EPM2A: variants seen among roughly 807,000 people sequenced by gnomAD.
The protein encoded by EPM2A is EPM2A glucan phosphatase, laforin.
A neutral mutation model predicts 26.5 loss-of-function variants in EPM2A; 21 were observed. That is an observed-to-expected ratio of 0.79 (90% CI 0.56 to 1.14). EPM2A has a LOEUF of 1.14. Among genes scored for constraint, EPM2A ranks in the 50% most tolerant of loss-of-function variants. EPM2A has a pLI of 0.00. For synonymous variants in EPM2A, 217 were observed against 177.6 expected, an observed-to-expected ratio of 1.22 and a Z score of -1.76; for missense variants, 458 against 440.8, an observed-to-expected ratio of 1.04 and a Z score of -0.35.
chr6:145,705,841 G>A, intron 1 of EPM2A: 1 of 456,324 alleles, frequency 2.2e-6, no homozygotes, highest in South Asian at 1.5e-5. Context: ...CTTCCCCTGG[G>A]GAGAGGACAT....
At chr6:145,512,604 TA>T (rs1419326459) in intron 2 of EPM2A, among the ~76,000 whole-genome samples, 3 of 146,350 alleles carry the variant, frequency 2.0e-5, no homozygotes, top group Non-Finnish European at 4.5e-5. Flanking sequence ...CCTAGCTACT[TA>T]GGAGACTGAG....
At chr6:145,582,977 C>G (rs983670294) in intron 2 of EPM2A, among the ~76,000 whole-genome samples, 4 of 152,152 alleles carry the variant, frequency 2.6e-5, no homozygotes, top group African/African-American at 9.7e-5. Flanking sequence ...TTACAACATT[C>G]TTACAGTGTG....
chr6:145,410,188 G>A (rs997695778), intron 4 of EPM2A, among the ~76,000 whole-genome samples: 8 of 152,152 alleles, frequency 5.3e-5, no homozygotes, highest in African/African-American at 1.4e-4. Context: ...AATGTTGCTC[G>A]AAATTGTAGA....
intron 4 of EPM2A, among the ~76,000 whole-genome samples, chr6:145,411,788 A>G (rs1354699315): frequency 6.6e-6 from 1 of 152,208 alleles, no homozygotes; most frequent in Non-Finnish European, 1.5e-5. Flanking sequence ...CTATTCAGTT[A>G]GTATGGAGTA....
At chr6:145,624,488 A>G (rs190136422), downstream of EPM2A, among the ~76,000 whole-genome samples, 1 of 152,304 alleles carries the variant, frequency 6.6e-6, no homozygotes, top group East Asian at 1.9e-4. Flanking sequence ...TGACATCTCA[A>G]TATCACAATA....
intron 1 of EPM2A, among the ~76,000 whole-genome samples, chr6:145,718,541 T>C (rs1775770275): frequency 6.6e-6 from 1 of 152,136 alleles, no homozygotes; most frequent in Admixed American, 6.5e-5. Flanking sequence ...GGCATTACCA[T>C]TCAGGACATA....
rs73006430 is a variant in EPM2A, at chr6:145,642,138, C to A, written c.477-6652G>T. Among the ~76,000 whole-genome samples, 1,002 of 152,184 alleles carry A rather than the reference C, an allele frequency of 6.6e-3. 5 individuals are homozygous for A. Among genetic ancestry groups the A allele is most frequent in the Non-Finnish European group, 0.01 (707 of 67,998 alleles). The stretch of plus-strand genomic sequence containing the variant: ...TGCTTCCTTAAAGTCAATCATGAGG[C>A]AGCACAAAGATTGAGGCAAATAACC... On this transcript the variant is annotated intron_variant, in intron 2 of 3. Coordinates refer to ENST00000367519, the MANE Select transcript of EPM2A (RefSeq NM_005670.4).
chr6:145,397,584 A>C (rs1363807074), intron 4 of EPM2A, among the ~76,000 whole-genome samples: 1 of 152,186 alleles, frequency 6.6e-6, no homozygotes, highest in Non-Finnish European at 1.5e-5. Flanking sequence ...GGCATCAACC[A>C]CCACAAGGTG....
chr6:145,596,918 C>T (rs935032850), intron 2 of EPM2A, among the ~76,000 whole-genome samples: 4 of 108,150 alleles, frequency 3.7e-5, no homozygotes, highest in Non-Finnish European at 6.9e-5. Context: ...GACGGAGTCT[C>T]GCTCTGTCGC....
intron 2 of EPM2A, among the ~76,000 whole-genome samples, chr6:145,661,641 TAAAC>T (rs1370113561): frequency 2.0e-5 from 3 of 152,230 alleles, no homozygotes; most frequent in Admixed American, 6.5e-5. Context: ...GAAATAGTGT[TAAAC>T]AATCTCATGA....
intron 1 of EPM2A, 43 bp downstream of exon 1, chr6:145,735,155 G>C (rs1776777867): frequency 2.8e-6 from 4 of 1,416,628 alleles, no homozygotes; most frequent in South Asian, 1.3e-5. Flanking sequence ...GTGCGGGCCG[G>C]AGCTCCCGCT....
At chr6:145,418,695 C>T (rs181151751) in intron 4 of EPM2A, among the ~76,000 whole-genome samples, 5 of 152,232 alleles carry the variant, frequency 3.3e-5, no homozygotes, top group East Asian at 3.9e-4. Context: ...CATTCCACTC[C>T]GGCCAAAGGA....
intron 2 of EPM2A, among the ~76,000 whole-genome samples, chr6:145,549,929 T>C (rs1258084936): frequency 6.6e-6 from 1 of 152,100 alleles, no homozygotes; most frequent in African/African-American, 2.4e-5. Flanking sequence ...TAATCTATAA[T>C]ACCTGAGCAA....
intron 2 of EPM2A, among the ~76,000 whole-genome samples, chr6:145,561,761 C>T (rs1432297465): frequency 6.6e-6 from 1 of 152,110 alleles, no homozygotes; most frequent in African/African-American, 2.4e-5. Flanking sequence ...GTCTTTATAT[C>T]AGACAGCGTT....
At chr6:145,578,208 T>C (rs1221416123) in intron 2 of EPM2A, among the ~76,000 whole-genome samples, 3 of 151,920 alleles carry the variant, frequency 2.0e-5, no homozygotes, top group African/African-American at 7.2e-5. Flanking sequence ...AGTGCAGAAA[T>C]AGAAGAAATT....
At chr6:145,598,446 T>G (rs1479010075) in intron 2 of EPM2A, among the ~76,000 whole-genome samples, 1 of 152,188 alleles carries the variant, frequency 6.6e-6, no homozygotes, top group Non-Finnish European at 1.5e-5. Context: ...GTAAATTTGT[T>G]TAAGTTCTTC....
chr6:145,581,219 C>G (rs543977232), intron 2 of EPM2A, among the ~76,000 whole-genome samples: 2 of 152,162 alleles, frequency 1.3e-5, no homozygotes, highest in Admixed American at 6.5e-5. Flanking sequence ...GATGGTATGT[C>G]AGTGTGGTTT....
chr6:145,522,626 C>G (rs1173440969), intron 2 of EPM2A, among the ~76,000 whole-genome samples: 3 of 152,144 alleles, frequency 2.0e-5, no homozygotes, highest in Non-Finnish European at 4.4e-5. Flanking sequence ...ATTATTACGG[C>G]AATTTCTCAG....
At chr6:145,654,725 G>C (rs1778137648) in intron 2 of EPM2A, among the ~76,000 whole-genome samples, 1 of 152,138 alleles carries the variant, frequency 6.6e-6, no homozygotes, top group African/African-American at 2.4e-5. Flanking sequence ...ATAAAATGGA[G>C]AGTTTAGCTT....
Sources: allele counts gnomAD v4.1 joint callset (sites outside exome capture counted in the v4.1 genomes callset), GRCh38; gene constraint gnomAD v4.1.1; transcripts MANE v1.5; gene names NCBI Gene and HGNC (gene_info 2026-07-23, HGNC 2026-07-21).